SORCS2: variants seen among roughly 807,000 people sequenced by gnomAD.
SORCS2 encodes sortilin related VPS10 domain containing receptor 2, also known as VPS10 domain-containing receptor SorCS2.
In SORCS2, 100 loss-of-function variants were observed where a neutral mutation model predicts 141.6. That is an observed-to-expected ratio of 0.71 (90% CI 0.60 to 0.83). The LOEUF (loss-of-function observed/expected upper bound fraction) is 0.83. Among genes scored for constraint, SORCS2 ranks in the 40% least tolerant of loss-of-function variants. The probability of loss-of-function intolerance (pLI) is 0.00; values close to 1 mark genes in which losing one functional copy is unlikely to be tolerated. For missense variants in SORCS2, 1,646 were observed against 1,560.2 expected (o/e 1.05, Z -0.93); for synonymous variants, 789 against 676.9 (o/e 1.17, Z -2.57).
intron 1 of SORCS2, among the ~76,000 whole-genome samples, chr4:7,367,414 T>C (rs2109035658): frequency 6.6e-6 from 1 of 152,254 alleles, no homozygotes; most frequent in African/African-American, 2.4e-5. Context: ...AGTCATGTAA[T>C]GTCTCTGAGT....
intron 3 of SORCS2, among the ~76,000 whole-genome samples, chr4:7,578,113 A>G (rs911401842): frequency 5.3e-5 from 8 of 152,222 alleles, no homozygotes; most frequent in African/African-American, 1.9e-4. Context: ...ATGTCCTCTC[A>G]GGATTGAGTT....
At chr4:7,327,771 C>T (rs577434899) in intron 1 of SORCS2, among the ~76,000 whole-genome samples, 298 of 152,324 alleles carry the variant, frequency 2.0e-3, no homozygotes, top group Middle Eastern at 0.014. Context: ...CTTTTCCCTT[C>T]CTGAGTGCAT....
chr4:7,659,314 T>C (rs1722005663), intron 5 of SORCS2, among the ~76,000 whole-genome samples: 1 of 150,620 alleles, frequency 6.6e-6, no homozygotes, highest in Non-Finnish European at 1.5e-5. Flanking sequence ...CGTACTCCCC[T>C]CCTGGGAGCC....
chr4:7,236,898 G>A (rs746998054), intron 1 of SORCS2, among the ~76,000 whole-genome samples: 5 of 152,200 alleles, frequency 3.3e-5, no homozygotes, highest in Non-Finnish European at 5.9e-5. Context: ...TTGTTTTAAT[G>A]CTGTCTCATC....
intron 20 of SORCS2, among the ~76,000 whole-genome samples, chr4:7,726,265 C>T (rs1357602544): frequency 1.3e-5 from 2 of 152,162 alleles, no homozygotes; most frequent in Non-Finnish European, 2.9e-5. Flanking sequence ...CTCCTAAATG[C>T]CCGTGGGGGG....
Position 7,715,321 on chromosome 4 carries a change from G to A in SORCS2, c.2252+10G>A, listed in dbSNP as rs1267130417. 6.2e-7 allele frequency: 1 copy of A among 1,613,428 alleles called. No homozygotes were observed. The highest frequency in any genetic ancestry group is 1.7e-5 in the Admixed American group (1 of 60,006). On this transcript the variant is annotated intron_variant, in intron 17 of 26. Coordinates refer to ENST00000507866, the MANE Select transcript of SORCS2 (RefSeq NM_020777.3). ...ACACCAGCAGCCTTGGGTGAGTGTG[G>A]GTGCGGGCCTCTCCCTGCCTAAATC...
chr4:7,455,976 T>G (rs971409868), intron 2 of SORCS2, among the ~76,000 whole-genome samples: 4 of 152,162 alleles, frequency 2.6e-5, no homozygotes, highest in Non-Finnish European at 4.4e-5. Context: ...GTAATTCCTT[T>G]TCTCACAGTT....
intron 3 of SORCS2, among the ~76,000 whole-genome samples, chr4:7,562,443 A>G (rs745982171): frequency 5.3e-5 from 8 of 152,122 alleles, no homozygotes; most frequent in Non-Finnish European, 7.3e-5. Context: ...ACGCTGGGAT[A>G]GTGATAGGGA....
intron 20 of SORCS2, 87 bp from the exon 21 acceptor site, chr4:7,726,693 C>G (rs1727240551): frequency 6.6e-7 from 1 of 1,524,310 alleles, no homozygotes; most frequent in Non-Finnish European, 8.9e-7. Context: ...CAGCAATGCT[C>G]TCAGTGAGGC....
At chr4:7,560,214 G>A (rs1714436993) in intron 3 of SORCS2, among the ~76,000 whole-genome samples, 1 of 152,158 alleles carries the variant, frequency 6.6e-6, no homozygotes, top group African/African-American at 2.4e-5. Flanking sequence ...GGTGGCTGGG[G>A]CCAGGAAGCT....
chr4:7,657,976 A>T (rs1373718422), intron 5 of SORCS2, among the ~76,000 whole-genome samples: 1 of 151,182 alleles, frequency 6.6e-6, no homozygotes, highest in East Asian at 2.0e-4. Context: ...TGAGTGACTG[A>T]GTGAGTCTGT....
intron 1 of SORCS2, among the ~76,000 whole-genome samples, chr4:7,387,577 AC>A (rs1273786831): frequency 2.0e-5 from 3 of 146,808 alleles, no homozygotes; most frequent in African/African-American, 7.5e-5. Flanking sequence ...GCACACATGC[AC>A]ACACATACAG....
At chr4:7,399,107 T>A (rs1440365618) in intron 2 of SORCS2, among the ~76,000 whole-genome samples, 10 of 152,198 alleles carry the variant, frequency 6.6e-5, no homozygotes, top group South Asian at 6.2e-4. Flanking sequence ...GTTTTCTGTT[T>A]TAATTACTAC....
chr4:7,405,006 T>G (rs566051921), intron 2 of SORCS2, among the ~76,000 whole-genome samples: 10 of 152,324 alleles, frequency 6.6e-5, no homozygotes, highest in African/African-American at 2.4e-4. Flanking sequence ...TTAAAGTCTT[T>G]AATCCATCTT....
chr4:7,596,008 G>A (rs760266765), intron 3 of SORCS2, among the ~76,000 whole-genome samples: 6 of 152,092 alleles, frequency 3.9e-5, no homozygotes, highest in South Asian at 2.1e-4. Context: ...GGCAACCCGC[G>A]GTTTCTCATT....
intron 2 of SORCS2, among the ~76,000 whole-genome samples, chr4:7,400,461 C>CCTACCA (rs1724501360): frequency 1.3e-5 from 2 of 151,224 alleles, no homozygotes; most frequent in African/African-American, 4.9e-5. Context: ...TATGGTTTGC[C>CCTACCA]CCACCACCAC....
chr4:7,421,611 C>T (rs1405641420), intron 2 of SORCS2, among the ~76,000 whole-genome samples: 1 of 147,482 alleles, frequency 6.8e-6, no homozygotes, highest in Non-Finnish European at 1.5e-5. Flanking sequence ...GGTTCTTGCC[C>T]CCCATAACTC....
At chr4:7,274,379 G>T (rs1715349711) in intron 1 of SORCS2, among the ~76,000 whole-genome samples, 1 of 152,192 alleles carries the variant, frequency 6.6e-6, no homozygotes, top group African/African-American at 2.4e-5. Context: ...AATTTGTAAA[G>T]AAAAGAGGTT....
intron 1 of SORCS2, among the ~76,000 whole-genome samples, chr4:7,340,771 G>A (rs1257855284): frequency 6.7e-6 from 1 of 149,814 alleles, no homozygotes; most frequent in Non-Finnish European, 1.5e-5. Context: ...GCCCCAGGGG[G>A]CATTTAGTGA....
Sources: allele counts gnomAD v4.1 joint callset (sites outside exome capture counted in the v4.1 genomes callset), GRCh38; gene constraint gnomAD v4.1.1; transcripts MANE v1.5; gene names NCBI Gene and HGNC (gene_info 2026-07-23, HGNC 2026-07-21).